MACROD2: variants seen among roughly 807,000 people sequenced by gnomAD.
MACROD2 encodes mono-ADP ribosylhydrolase 2.
A neutral mutation model predicts 70.4 loss-of-function variants in MACROD2; 36 were observed. The observed-to-expected ratio is 0.51, with a 90% CI of 0.39 to 0.68. The LOEUF (loss-of-function observed/expected upper bound fraction) is 0.68. Among genes scored for constraint, MACROD2 ranks in the 30% least tolerant of loss-of-function variants. The pLI is 0.00. For synonymous variants in MACROD2, 172 were observed against 178.8 expected, an observed-to-expected ratio of 0.96 and a Z score of 0.30; for missense variants, 496 against 538.4, an observed-to-expected ratio of 0.92 and a Z score of 0.78.
chr20:14,080,248 C>G (rs941280544), intron 2 of MACROD2, among the ~76,000 whole-genome samples: 1 of 151,794 alleles, frequency 6.6e-6, no homozygotes, highest in African/African-American at 2.4e-5. Context: ...TCAAGACCAT[C>G]CTGGCTAATA....
intron 7 of MACROD2, among the ~76,000 whole-genome samples, chr20:15,461,771 T>G (rs2046822339): frequency 6.6e-6 from 1 of 152,168 alleles, no homozygotes; most frequent in Admixed American, 6.5e-5. Flanking sequence ...TGCAGTTACT[T>G]TGCCACATGA....
At chr20:15,318,286 G>C (rs553819345) in intron 6 of MACROD2, among the ~76,000 whole-genome samples, 1 of 152,062 alleles carries the variant, frequency 6.6e-6, no homozygotes, top group African/African-American at 2.4e-5. Flanking sequence ...GACTCATGAA[G>C]AAACAAAATT....
At chr20:15,855,202 G>A (rs1056774135) in intron 8 of MACROD2, among the ~76,000 whole-genome samples, 1 of 152,208 alleles carries the variant, frequency 6.6e-6, no homozygotes, top group South Asian at 2.1e-4. Flanking sequence ...GAGGTTGGCT[G>A]CAGATACTCC....
chr20:15,585,032 T>C (rs2048578133), intron 8 of MACROD2, among the ~76,000 whole-genome samples: 1 of 152,112 alleles, frequency 6.6e-6, no homozygotes, highest in African/African-American at 2.4e-5. Context: ...GATGTGCCAG[T>C]CTAGGGGACT....
At chr20:14,106,245 T>C (rs923844937) in intron 3 of MACROD2, among the ~76,000 whole-genome samples, 2 of 152,078 alleles carry the variant, frequency 1.3e-5, no homozygotes, top group Non-Finnish European at 2.9e-5. Flanking sequence ...TAAGTGAACA[T>C]TGGTGGTAGC....
intron 3 of MACROD2, among the ~76,000 whole-genome samples, chr20:14,154,571 TTTTTTTTTTTTTTTGG>T (rs2055070392): frequency 2.2e-5 from 1 of 44,480 alleles, no homozygotes. Flanking sequence ...TTTTTTTTTT[TTTTTTTTTTTTTTTGG>T]ATTTTTAGTA....
At chr20:15,021,465 TA>T (rs1252212256) in intron 5 of MACROD2, 10 of 150,538 alleles carry the variant, frequency 6.6e-5, no homozygotes, top group Admixed American at 2.6e-4. Context: ...TATATACATA[TA>T]TAGGAGACTA....
At chr20:14,853,818 T>C (rs2073224762) in intron 5 of MACROD2, among the ~76,000 whole-genome samples, 1 of 151,942 alleles carries the variant, frequency 6.6e-6, no homozygotes, top group Non-Finnish European at 1.5e-5. Context: ...TTTTGTTTTG[T>C]TTTGTTTTGT....
intron 12 of MACROD2, among the ~76,000 whole-genome samples, chr20:15,948,932 G>C (rs2065867102): frequency 6.6e-6 from 1 of 152,152 alleles, no homozygotes; most frequent in Admixed American, 6.6e-5. Context: ...ATTTGAATGG[G>C]TTTACAATTC....
chr20:15,726,400 A>G (rs1013039701), intron 8 of MACROD2, among the ~76,000 whole-genome samples: 2 of 152,170 alleles, frequency 1.3e-5, no homozygotes, highest in African/African-American at 2.4e-5. Flanking sequence ...ACACACATGT[A>G]CATGTGTCTT....
At chr20:15,185,818 A>G (rs925495354) in intron 5 of MACROD2, among the ~76,000 whole-genome samples, 9 of 152,234 alleles carry the variant, frequency 5.9e-5, no homozygotes, top group Non-Finnish European at 1.3e-4. Context: ...TTCTAACAGC[A>G]ATACTAGAAG....
rs551181396 is a variant in MACROD2 at position 15,911,981 on chromosome 20, G to A, written c.776-21295G>A. Among the ~76,000 whole-genome samples, 289 of 152,256 alleles carry A rather than the reference G, an allele frequency of 1.9e-3. 1 individual carries two copies. The highest frequency in any genetic ancestry group is 6.8e-3 in the African/African-American group (282 of 41,548). On this transcript the variant is annotated intron_variant, in intron 10 of 17. Transcript: ENST00000684519. ...AGATCGTGCCATTGCACTCCAGCCC[G>A]GGCAACAAGAACAAAACTCCGACTC...
intron 3 of MACROD2, among the ~76,000 whole-genome samples, chr20:14,372,811 A>G (rs2083338731): frequency 6.6e-6 from 1 of 152,182 alleles, no homozygotes; most frequent in Admixed American, 6.5e-5. Flanking sequence ...CATCTAGTCC[A>G]TATCCAGGTA....
intron 6 of MACROD2, among the ~76,000 whole-genome samples, chr20:15,287,298 G>A (rs2077500763): frequency 6.6e-6 from 1 of 152,098 alleles, no homozygotes; most frequent in African/African-American, 2.4e-5. Context: ...TTTTGACTGT[G>A]AACAAAATGT....
At chr20:14,582,939 C>A (rs1884703) in intron 4 of MACROD2, among the ~76,000 whole-genome samples, 97,589 of 151,906 alleles carry the variant, frequency 0.64, 32,907 homozygotes, top group East Asian at 0.93. Context: ...GGCAAAAATC[C>A]TCTGCACTCT....
chr20:14,720,661 C>T (rs6131602), intron 5 of MACROD2, among the ~76,000 whole-genome samples: 31,014 of 147,184 alleles, frequency 0.21, 3,566 homozygotes, highest in South Asian at 0.42. Flanking sequence ...TCAAGTGATT[C>T]TCCTGCCTCA....
At chr20:14,174,873 C>T (rs990072537) in intron 3 of MACROD2, among the ~76,000 whole-genome samples, 3 of 152,170 alleles carry the variant, frequency 2.0e-5, no homozygotes, top group Admixed American at 6.5e-5. Context: ...CTTCTTCTAC[C>T]GTTGTATTTC....
chr20:15,617,396 G>A (rs1303452293), intron 8 of MACROD2, among the ~76,000 whole-genome samples: 1 of 152,152 alleles, frequency 6.6e-6, no homozygotes, highest in Non-Finnish European at 1.5e-5. Context: ...TAAAAATTGT[G>A]TCAGGCCAAT....
At chr20:14,595,106 TAAAC>T (rs1285754644) in intron 4 of MACROD2, among the ~76,000 whole-genome samples, 1 of 152,068 alleles carries the variant, frequency 6.6e-6, no homozygotes, top group Admixed American at 6.5e-5. Flanking sequence ...AACAATCAAA[TAAAC>T]AACTCACAAT....
Sources: allele counts gnomAD v4.1 joint callset (sites outside exome capture counted in the v4.1 genomes callset), GRCh38; gene constraint gnomAD v4.1.1; transcripts MANE v1.5; gene names NCBI Gene and HGNC (gene_info 2026-07-23, HGNC 2026-07-21).